The following TIGD4 variants were observed in gnomAD, a reference collection of about 807,000 sequenced individuals.
TIGD4 encodes the protein tigger transposable element derived 4, also known as tigger transposable element-derived protein 4.
In TIGD4, 20 loss-of-function variants were observed where a neutral mutation model predicts 24.9. The observed-to-expected ratio is 0.80, with a 90% CI of 0.56 to 1.17. The LOEUF (loss-of-function observed/expected upper bound fraction) is 1.17, where lower values mean the gene tolerates loss of function less well. TIGD4 is among the 50% of genes most tolerant of loss of function. TIGD4 has a pLI of 0.00. For synonymous variants in TIGD4, 193 were observed against 211.0 expected, an observed-to-expected ratio of 0.91 and a Z score of 0.74; for missense variants, 566 against 591.0, an observed-to-expected ratio of 0.96 and a Z score of 0.44.
In TIGD4 at chr4:152,779,649, G is replaced by T. The variant is rs1209028453; in HGVS notation, c.-706C>A. On this transcript the variant is annotated 5_prime_UTR_variant, in exon 1 of 2. Transcript: ENST00000304337. ...GTGAATGAAAAAGAGGGAGGCGGAG[G>T]CCTCCTGGAGACCTTCGACCTCTCA... 1 of 152,352 alleles carries T rather than the reference G, an allele frequency of 6.6e-6. No individual in the cohort carries two copies. Among genetic ancestry groups the T allele is most frequent in the Non-Finnish European group, 1.5e-5 (1 of 68,160 alleles). 9.4% of individuals were successfully genotyped at this position (152,352 alleles called of 1,614,324 possible).
At chr4:152,775,664 C>G (rs1730247911) in intron 1 of TIGD4, among the ~76,000 whole-genome samples, 1 of 152,218 alleles carries the variant, frequency 6.6e-6, no homozygotes, top group Admixed American at 6.5e-5. Context: ...CTCTTTCACA[C>G]TTTGAATCTC....
Position 152,770,917 on chromosome 4 carries a change from T to C in TIGD4, c.88A>G (p.Ile30Val). Residue 30 changes from isoleucine (I) to valine (V), a missense_variant, in exon 2 of 2, where the codon ATA (isoleucine) becomes GTA (valine). By Grantham distance (29) the Ile-to-Val change is conservative. Transcript: ENST00000304337. The part of the protein sequence containing the change: ...SLSIEEKIDI[I>V]NAVESGKKKA... Reference sequence around the variant, plus strand: ...TTCTTGCCACTTTCCACTGCATTTATGATGTCGATCTTTTCCTCAATGGAT... The same window carrying C: ...TTCTTGCCACTTTCCACTGCATTTACGATGTCGATCTTTTCCTCAATGGAT... The C allele has an allele frequency of 6.2e-7, 1 of 1,614,054 alleles. No homozygotes were observed. Among genetic ancestry groups the C allele is most frequent in the Non-Finnish European group, 8.5e-7 (1 of 1,179,956 alleles).
intron 1 of TIGD4, 46 bp downstream of exon 1, chr4:152,779,436 C>T (rs1730347210): frequency 1.3e-5 from 2 of 152,380 alleles, no homozygotes; most frequent in African/African-American, 4.8e-5. Flanking sequence ...GCCTTATCTT[C>T]GCATTCTCCC....
In TIGD4 at chr4:152,769,382, G is replaced by C. The variant is rs543831916; in HGVS notation, c.*84C>G. 3 of 941,710 alleles carry C rather than the reference G, an allele frequency of 3.2e-6. No homozygotes were observed. Among genetic ancestry groups the C allele is most frequent in the African/African-American group, 1.7e-5 (1 of 58,766 alleles). The allele number at this position is 941,710 out of a possible 1,614,324, so 58.3% of individuals were successfully genotyped here. Reference sequence around the variant, plus strand: ...GCAGTTTTCCATTTTTTATGTTTAAGTGGTGTGGTACAACTCCTTTACATA... The same window carrying C: ...GCAGTTTTCCATTTTTTATGTTTAACTGGTGTGGTACAACTCCTTTACATA... On this transcript the variant is annotated 3_prime_UTR_variant, in exon 2 of 2. Transcript: ENST00000304337.
rs180891332 is a variant in TIGD4 at position 152,769,576 on chromosome 4, T to A, written c.1429A>T (p.Thr477Ser). ...LPLPSKSEAI[T>S]ALDTLKKFLR... ...AATTTTTTCAGAGTATCTAAAGCAG[T>A]TATTGCCTCAGATTTTGATGGTAAA... The change falls in exon 2 of 2, where the codon ACT becomes TCT. Residue 477 changes from threonine to serine, a missense_variant. By Grantham distance (58) the Thr-to-Ser change is moderately conservative. Transcript: ENST00000304337. 14 of 1,613,596 alleles carry A rather than the reference T, an allele frequency of 8.7e-6. No homozygotes were observed. The African/African-American group carries it at 1.7e-4, about 20-fold the overall frequency.
rs554462851 is a variant in TIGD4 at position 152,769,708 on chromosome 4, C to T, written c.1297G>A (p.Ala433Thr). Residue 433 changes from alanine to threonine, a missense_variant, in exon 2 of 2, where the codon GCA becomes ACA. Coordinates refer to ENST00000304337, the MANE Select transcript of TIGD4 (RefSeq NM_145720.4). ...LDDDLETCEAAPNGDSICTKE... is the reference protein window; with the variant it reads ...LDDDLETCEATPNGDSICTKE... ...GTGCATATGGAATCACCATTTGGTG[C>T]TGCTTCACATGTCTCCAAATCATCA... The T allele has an allele frequency of 1.2e-6, 2 of 1,613,822 alleles. No individual in the cohort carries two copies. Among genetic ancestry groups the T allele is most frequent in the Admixed American group, 1.7e-5 (1 of 59,992 alleles).
At chr4:152,775,213 C>A (rs993616198) in intron 1 of TIGD4, among the ~76,000 whole-genome samples, 4 of 152,086 alleles carry the variant, frequency 2.6e-5, no homozygotes. Context: ...CCATGCCCGG[C>A]CTATATCAAG....
At chr4:152,774,041 T>A (rs1407140648) in intron 1 of TIGD4, among the ~76,000 whole-genome samples, 1 of 151,728 alleles carries the variant, frequency 6.6e-6, no homozygotes, top group Admixed American at 6.6e-5. Flanking sequence ...CTTCCCTTCC[T>A]TCCTCCCTCT....
chr4:152,777,270 C>T (rs1730274319), intron 1 of TIGD4, among the ~76,000 whole-genome samples: 1 of 152,154 alleles, frequency 6.6e-6, no homozygotes, highest in Non-Finnish European at 1.5e-5. Context: ...TACTAGAGTT[C>T]CCCACAAGCC....
At chr4:152,773,920 A>G (rs1730220924) in intron 1 of TIGD4, among the ~76,000 whole-genome samples, 1 of 152,168 alleles carries the variant, frequency 6.6e-6, no homozygotes, top group Admixed American at 6.5e-5. Flanking sequence ...TTGACATAGC[A>G]AAAACTAATT....
At chr4:152,775,611 G>A (rs1025324167) in intron 1 of TIGD4, among the ~76,000 whole-genome samples, 1 of 152,196 alleles carries the variant, frequency 6.6e-6, no homozygotes, top group Non-Finnish European at 1.5e-5. Flanking sequence ...TTGTCTGTGG[G>A]AAATTGTCAT....
intron 1 of TIGD4, among the ~76,000 whole-genome samples, chr4:152,773,431 A>G (rs1321119576): frequency 6.6e-6 from 1 of 152,190 alleles, no homozygotes; most frequent in Non-Finnish European, 1.5e-5. Flanking sequence ...TGTATTCCAA[A>G]TAACTAAGGA....
chr4:152,770,567 A>G lies in TIGD4; in HGVS notation c.438T>C (p.Ala146=). Residue 146 remains alanine, a synonymous_variant, in exon 2 of 2, where the codon GCT becomes GCC. Coordinates refer to ENST00000304337, the MANE Select transcript of TIGD4 (RefSeq NM_145720.4). ...GTACACCTGTAGCTTCTACAGGTTG[A>G]GCTCTGAATACTAAACCATACCTGG... ...FKSRYGLVFR[A]QPVEATGVPV... 6.2e-7 allele frequency: 1 copy of G among 1,612,112 alleles called. No homozygotes were observed. Among genetic ancestry groups the G allele is most frequent in the Non-Finnish European group, 8.5e-7 (1 of 1,178,936 alleles).
chr4:152,779,324 T>C lies in TIGD4; in HGVS notation c.-539+158A>G, dbSNP rs1004335578. Among the ~76,000 whole-genome samples the C allele has an allele frequency of 5.3e-5, 8 of 152,226 alleles. No homozygotes were observed. The Middle Eastern group carries it at 0.01, about 194-fold the overall frequency. On this transcript the variant is annotated intron_variant, in intron 1 of 1. Coordinates refer to ENST00000304337, the MANE Select transcript of TIGD4 (RefSeq NM_145720.4). ...AAAGCGATCACAAATCCAGAGCAAG[T>C]AAGAGCTCAGGGATGCCGGGCCCGG... is the stretch of plus-strand genomic sequence containing the variant.
rs1314727589 is a variant in TIGD4, at chr4:152,771,008, A to G, written c.-4T>C. ...CATCCACAGAAGCTTCTGCCATCTC[A>G]GCCAGTGCTTATGTAGAGATTACTC... On this transcript the variant is annotated 5_prime_UTR_variant, in exon 2 of 2. Coordinates refer to ENST00000304337, the MANE Select transcript of TIGD4 (RefSeq NM_145720.4). 7 of 1,592,088 alleles carry G rather than the reference A, an allele frequency of 4.4e-6. No individual in the cohort carries two copies. The South Asian group carries it at 8.2e-5, about 19-fold the overall frequency.
chr4:152,775,577 C>G (rs1238954138), intron 1 of TIGD4, among the ~76,000 whole-genome samples: 1 of 152,168 alleles, frequency 6.6e-6, no homozygotes, highest in Non-Finnish European at 1.5e-5. Context: ...CTACTCTCAG[C>G]TTCTAGAGGC....
At chr4:152,774,053 C>A (rs547152370) in intron 1 of TIGD4, among the ~76,000 whole-genome samples, 4 of 151,500 alleles carry the variant, frequency 2.6e-5, no homozygotes, top group East Asian at 1.9e-4. Flanking sequence ...CCTCCCTCTC[C>A]CAATCCCTCC....
chr4:152,777,147 C>T (rs1446966515), intron 1 of TIGD4, among the ~76,000 whole-genome samples: 2 of 86,908 alleles, frequency 2.3e-5, no homozygotes, highest in Admixed American at 1.4e-4. Flanking sequence ...ACTTTTCCTT[C>T]AGGTATATAA....
At chr4:152,772,363 C>T (rs1730192377) in intron 1 of TIGD4, among the ~76,000 whole-genome samples, 2 of 152,058 alleles carry the variant, frequency 1.3e-5, no homozygotes, top group African/African-American at 4.8e-5. Flanking sequence ...AAAAAGGTGC[C>T]AGGCAGTTCT....
Sources: gnomAD v4.1 joint callset for allele counts (sites outside exome capture counted in the v4.1 genomes callset) on GRCh38, gnomAD v4.1.1 for gene constraint, MANE v1.5 for transcripts, NCBI Gene and HGNC (gene_info 2026-07-23, HGNC 2026-07-21) for gene names.